LITAF: variants seen among roughly 807,000 people sequenced by gnomAD.
LITAF encodes lipopolysaccharide-induced tumor necrosis factor-alpha factor.
Under a neutral mutation model 14.5 loss-of-function variants are expected in LITAF, and 9 were observed. That is an observed-to-expected ratio of 0.62 (90% CI 0.37 to 1.08). LITAF has a LOEUF of 1.08. Among genes scored for constraint, LITAF ranks in the 50% least tolerant of loss-of-function variants. The pLI, the probability that LITAF is intolerant of heterozygous loss-of-function variation, is 0.01. For synonymous variants in LITAF, 98 were observed against 88.2 expected, an observed-to-expected ratio of 1.11 and a Z score of -0.62; for missense variants, 206 against 213.4, an observed-to-expected ratio of 0.97 and a Z score of 0.22.
chr16:11,595,247 G>C (rs1379249668), intron 1 of LITAF, among the ~76,000 whole-genome samples: 1 of 152,192 alleles, frequency 6.6e-6, no homozygotes, highest in Admixed American at 6.5e-5. Context: ...ATGCAGATGG[G>C]GAGCCTGAGG....
intron 1 of LITAF, among the ~76,000 whole-genome samples, chr16:11,578,839 CAA>C (rs1473316928): frequency 6.6e-6 from 1 of 152,158 alleles, no homozygotes; most frequent in Non-Finnish European, 1.5e-5. Flanking sequence ...TTATGAAAAA[CAA>C]AGCAAGACTG....
At chr16:11,591,928 T>C (rs886981269), upstream of LITAF, among the ~76,000 whole-genome samples, 4 of 152,140 alleles carry the variant, frequency 2.6e-5, no homozygotes, top group African/African-American at 9.7e-5. Flanking sequence ...CAACTGGATA[T>C]CCACATGTAG....
rs113527297 is a variant in LITAF at position 11,560,781 on chromosome 16, A to C, written c.-5-4046T>G. ...AGAAGCAAAGTAGAGAAGGCCACAGAAGCAGGAGGGCAGGGTGGGGCTGTA... is the reference window on the plus strand; with the variant it reads ...AGAAGCAAAGTAGAGAAGGCCACAGCAGCAGGAGGGCAGGGTGGGGCTGTA... On this transcript the variant is annotated intron_variant, in intron 1 of 3. Transcript: ENST00000622633. Among the ~76,000 whole-genome samples, 138 of 152,286 alleles carry C rather than the reference A, an allele frequency of 9.1e-4. 2 individuals are homozygous for C. The highest frequency in any genetic ancestry group is 3.1e-3 in the African/African-American group (129 of 41,562).
chr16:11,607,954 A>G (rs2064963058), intron 3 of LITAF, among the ~76,000 whole-genome samples: 1 of 151,996 alleles, frequency 6.6e-6, no homozygotes, highest in Non-Finnish European at 1.5e-5. Flanking sequence ...CCAGTTAAGA[A>G]CCCCTGTCCC....
chr16:11,593,132 C>G (rs2064858044), intron 1 of LITAF, among the ~76,000 whole-genome samples: 1 of 151,704 alleles, frequency 6.6e-6, no homozygotes, highest in East Asian at 1.9e-4. Context: ...GATTGCGCCA[C>G]TGCACTCCAG....
At chr16:11,581,709 G>T (rs868037324) in intron 1 of LITAF, among the ~76,000 whole-genome samples, 1 of 152,082 alleles carries the variant, frequency 6.6e-6, no homozygotes, top group Non-Finnish European at 1.5e-5. Flanking sequence ...TCTAACTGAT[G>T]AGGTGAAAAA....
intron 3 of LITAF, among the ~76,000 whole-genome samples, chr16:11,627,104 C>A (rs1409963152): frequency 6.6e-6 from 1 of 152,152 alleles, no homozygotes; most frequent in Non-Finnish European, 1.5e-5. Flanking sequence ...CTTCCTAGCC[C>A]CAGGGGCTGT....
At chr16:11,635,216 G>A (rs966305616) in intron 2 of LITAF, among the ~76,000 whole-genome samples, 7 of 152,110 alleles carry the variant, frequency 4.6e-5, no homozygotes, top group African/African-American at 1.4e-4. Context: ...GTGGTTATAC[G>A]GATACACAAA....
intron 1 of LITAF, among the ~76,000 whole-genome samples, chr16:11,596,327 C>G (rs1351545277): frequency 2.0e-5 from 3 of 151,660 alleles, no homozygotes; most frequent in African/African-American, 7.3e-5. Context: ...GAGGCCTGAT[C>G]CACTTAATAA....
chr16:11,577,918 C>G (rs2064667123), intron 1 of LITAF, among the ~76,000 whole-genome samples: 1 of 151,306 alleles, frequency 6.6e-6, no homozygotes, highest in African/African-American at 2.5e-5. Context: ...GAGATGGGGT[C>G]TTGCTCATTC....
intron 3 of LITAF, among the ~76,000 whole-genome samples, chr16:11,552,982 G>A (rs1158493197): frequency 6.6e-6 from 1 of 151,738 alleles, no homozygotes; most frequent in East Asian, 1.9e-4. Context: ...GGGCCTGACG[G>A]TGCACACCTG....
chr16:11,626,983 C>T (rs796718755), intron 3 of LITAF, among the ~76,000 whole-genome samples: 16 of 152,254 alleles, frequency 1.1e-4, no homozygotes, highest in African/African-American at 3.9e-4. Flanking sequence ...GCTGAGACTA[C>T]AGGCACGCAC....
intron 3 of LITAF, among the ~76,000 whole-genome samples, chr16:11,615,353 A>G (rs533751643): frequency 2.0e-5 from 3 of 152,290 alleles, no homozygotes; most frequent in African/African-American, 7.2e-5. Context: ...CCTGGTCAAC[A>G]TGGCGAAACC....
At chr16:11,597,439 A>G (rs1367436918) in intron 1 of LITAF, among the ~76,000 whole-genome samples, 1 of 151,512 alleles carries the variant, frequency 6.6e-6, no homozygotes, top group African/African-American at 2.4e-5. Context: ...AGGCCACCAG[A>G]CTCCTCTCTC....
chr16:11,568,223 G>A (rs35775440), intron 1 of LITAF, among the ~76,000 whole-genome samples: 25,440 of 151,110 alleles, frequency 0.17, 2,269 homozygotes, highest in South Asian at 0.24. Flanking sequence ...GGGAGGCAGC[G>A]GTTGCAGTGA....
rs75275021 is a variant in LITAF at position 11,610,984 on chromosome 16, G to A, written c.85+22549C>T. Among the ~76,000 whole-genome samples, 1,210 of 152,114 alleles carry A rather than the reference G, an allele frequency of 8.0e-3. 20 individuals carry two copies. Among genetic ancestry groups the A allele is most frequent in the African/African-American group, 0.027 (1,132 of 41,490 alleles). The stretch of plus-strand genomic sequence containing the variant: ...AGCTACCGAAATCTAAGGGGTAGGA[G>A]GAGGGAGGAAAAGTCAAGGAGAAGG... On this transcript the variant is annotated intron_variant, in intron 3 of 3. Transcript: ENST00000574848.
At chr16:11,611,879 G>T (rs757084309) in intron 3 of LITAF, among the ~76,000 whole-genome samples, 2 of 152,142 alleles carry the variant, frequency 1.3e-5, no homozygotes, top group African/African-American at 2.4e-5. Flanking sequence ...TGTCCAGGCT[G>T]GTCTCAAACT....
At position 11,610,864 on chromosome 16, in the gene LITAF, A is replaced by T. The variant is rs1434042638; in HGVS notation, c.85+22669T>A. ...CCTTCACTCTTGGGTGGGGCTGGGG[A>T]AATGTGAATCAGTGGCCAATTTGTA... On this transcript the variant is annotated intron_variant, in intron 3 of 3. Coordinates refer to the LITAF transcript ENST00000574848. 2.0e-5 allele frequency among the ~76,000 whole-genome samples: 3 copies of T among 152,076 alleles called. No individual in the cohort carries two copies. The East Asian group carries it at 5.8e-4, about 29-fold the overall frequency.
chr16:11,580,129 G>C (rs2064709950), intron 1 of LITAF, among the ~76,000 whole-genome samples: 1 of 152,132 alleles, frequency 6.6e-6, no homozygotes, highest in Non-Finnish European at 1.5e-5. Context: ...CCAGTAAGTA[G>C]AATGCAGTAT....
Sources: gnomAD v4.1 joint callset for allele counts (sites outside exome capture counted in the v4.1 genomes callset) on GRCh38, gnomAD v4.1.1 for gene constraint, MANE v1.5 for transcripts, NCBI Gene and HGNC (gene_info 2026-07-23, HGNC 2026-07-21) for gene names.